TACC2: variants seen among roughly 807,000 people sequenced by gnomAD.
TACC2 encodes the protein transforming acidic coiled-coil-containing protein 2.
A neutral mutation model predicts 227.3 loss-of-function variants in TACC2; 137 were observed. The ratio of observed to expected loss-of-function variants is 0.60; its 90% confidence interval spans 0.52 to 0.69. TACC2 has a LOEUF of 0.69. TACC2 is among the 30% of genes least tolerant of loss of function. The pLI is 0.00. For synonymous variants in TACC2, 1,523 were observed against 1,487.5 expected, an observed-to-expected ratio of 1.02 and a Z score of -0.55; for missense variants, 3,470 against 3,694.4, an observed-to-expected ratio of 0.94 and a Z score of 1.57.
Position 122,210,367 on chromosome 10 carries a change from T to C in TACC2, c.5972-30T>C. ...GGTGCCCCAATGCGTCCTGTGTCTG[T>C]AATTGATGGCGTTGTCTGTGTTTCC... On this transcript the variant is annotated intron_variant, in intron 8 of 22. Coordinates refer to ENST00000369005, the MANE Select transcript of TACC2 (RefSeq NM_206862.4). This position sits in a 1 kb window ranked among gnomAD's most constrained non-coding sequence, Gnocchi z 4.6. 1 of 1,558,690 alleles carries C rather than the reference T, an allele frequency of 6.4e-7. No homozygotes were observed. The highest frequency in any genetic ancestry group is 8.9e-7 in the Non-Finnish European group (1 of 1,129,818).
intron 1 of TACC2, among the ~76,000 whole-genome samples, chr10:122,019,192 T>G (rs1452853616): frequency 6.6e-6 from 1 of 152,216 alleles, no homozygotes; most frequent in Admixed American, 6.5e-5. Flanking sequence ...AGTCTGCCTA[T>G]CAGCGATCTG....
At chr10:122,030,826 A>C (rs1322215495) in intron 2 of TACC2, among the ~76,000 whole-genome samples, 4 of 151,808 alleles carry the variant, frequency 2.6e-5, no homozygotes, top group African/African-American at 9.7e-5. Flanking sequence ...TGGCTGTGGG[A>C]CTCAGGGCTC....
At chr10:121,991,579 C>A (rs571731459) in intron 1 of TACC2, among the ~76,000 whole-genome samples, 1 of 152,298 alleles carries the variant, frequency 6.6e-6, no homozygotes, top group African/African-American at 2.4e-5. Flanking sequence ...CAAAGCTGAG[C>A]AGCTGAGTGA....
At chr10:122,024,900 C>T (rs568482402) in intron 2 of TACC2, among the ~76,000 whole-genome samples, 3 of 152,260 alleles carry the variant, frequency 2.0e-5, no homozygotes, top group Admixed American at 6.5e-5. Flanking sequence ...TTTGAGAACA[C>T]GCATTTTCAT....
chr10:122,144,470 TAG>T (rs1007226733), intron 7 of TACC2, among the ~76,000 whole-genome samples: 17 of 152,148 alleles, frequency 1.1e-4, no homozygotes, highest in African/African-American at 4.1e-4. Flanking sequence ...CAGTATTTTG[TAG>T]AGAGCCAAAT....
chr10:122,143,502 A>AT, intron 6 of TACC2, 70 bp from the exon 7 acceptor site: 1 of 1,550,030 alleles, frequency 6.5e-7, no homozygotes, highest in Non-Finnish European at 8.8e-7. Context: ...GGTGGGGTGA[A>AT]TGGGGCCTGA....
At position 122,143,627 on chromosome 10, in the gene TACC2, G is replaced by C. The variant is rs1442203613; in HGVS notation, c.5755G>C (p.Val1919Leu). 1 of 1,614,004 alleles carries C rather than the reference G, an allele frequency of 6.2e-7. No homozygotes were observed. Among genetic ancestry groups the C allele is most frequent in the African/African-American group, 1.3e-5 (1 of 74,924 alleles). ...TCCTCCCTCGGCTGCAGAACACATA[G>C]TTTCGCCATCTGCCCCAGCTGGTGA... is the stretch of plus-strand genomic sequence containing the variant. ...GLPPSAAEHI[V>L]SPSAPAGDRV... The change falls in exon 7 of 23, where the codon GTT becomes CTT. Residue 1919 changes from valine (V) to leucine (L), a missense_variant. This residue lies in a region of TACC2 where 1,924 missense variants were observed against 1,978.3 expected (regional missense o/e 0.97). Coordinates refer to ENST00000369005, the MANE Select transcript of TACC2 (RefSeq NM_206862.4).
In TACC2 at chr10:122,224,754, T is replaced by G; in HGVS notation, c.7575T>G (p.Ile2525Met). 1 of 1,614,038 alleles carries G rather than the reference T, an allele frequency of 6.2e-7. No individual in the cohort carries two copies. Among genetic ancestry groups the G allele is most frequent in the South Asian group, 1.1e-5 (1 of 91,052 alleles). ...TGGATTACAGAAACTCCTATGAAAT[T>G]GAATATATGGAGAAAATTGGCTCCT... is the stretch of plus-strand genomic sequence containing the variant. ...EELDYRNSYEIEYMEKIGSSL... is the reference protein window; with the variant it reads ...EELDYRNSYEMEYMEKIGSSL... The change falls in exon 12 of 23, where the codon ATT becomes ATG. Residue 2525 changes from isoleucine (I) to methionine (M), a missense_variant. Physicochemically the swap from Ile to Met is conservative, Grantham distance 10. Coordinates refer to ENST00000369005, the MANE Select transcript of TACC2 (RefSeq NM_206862.4).
At position 122,085,415 on chromosome 10, in the gene TACC2, T is replaced by C. The variant is rs767648184; in HGVS notation, c.2915T>C (p.Phe972Ser). 19 of 1,613,860 alleles carry C rather than the reference T, an allele frequency of 1.2e-5. No individual in the cohort carries two copies. Among genetic ancestry groups the C allele is most frequent in the Admixed American group, 1.7e-5 (1 of 60,022 alleles). Residue 972 changes from phenylalanine (F) to serine (S), a missense_variant, in exon 4 of 23, where the codon TTT (phenylalanine) becomes TCT (serine). Physicochemically the swap from Phe to Ser is radical, Grantham distance 155. Transcript: ENST00000369005. ...CCAGCAGCAGATGTCTTAAAAGACT[T>C]TTCTCTTGCAGGGAACTTCAGCAGA... The part of the protein sequence containing the change: ...SPPAADVLKD[F>S]SLAGNFSRKE...
intron 1 of TACC2, among the ~76,000 whole-genome samples, chr10:122,020,649 TG>T (rs992088363): frequency 1.3e-5 from 2 of 152,170 alleles, no homozygotes; most frequent in African/African-American, 4.8e-5. Flanking sequence ...GGCTGGAGTT[TG>T]AGGTTTATTT....
Position 122,038,743 on chromosome 10 carries a change from G to A in TACC2, c.34-11695G>A, listed in dbSNP as rs59266968. Reference sequence around the variant, plus strand: ...GTGAAGGGAAGGTCAAGGTTATAAGGTTATAATTGCATTTCTAAAGCGCTA... The same window carrying A: ...GTGAAGGGAAGGTCAAGGTTATAAGATTATAATTGCATTTCTAAAGCGCTA... On this transcript the variant is annotated intron_variant, in intron 2 of 22. Coordinates refer to ENST00000369005, the MANE Select transcript of TACC2 (RefSeq NM_206862.4). Among the ~76,000 whole-genome samples the A allele has an allele frequency of 2.9e-3, 444 of 152,196 alleles. 2 individuals carry two copies. Among genetic ancestry groups the A allele is most frequent in the African/African-American group, 0.01 (417 of 41,516 alleles).
At chr10:122,096,755 C>T (rs1476966266) in intron 5 of TACC2, among the ~76,000 whole-genome samples, 1 of 151,440 alleles carries the variant, frequency 6.6e-6, no homozygotes, top group Non-Finnish European at 1.5e-5. Context: ...AATGGGCAGA[C>T]ATGTGGTTTT....
chr10:122,005,135 G>T (rs561007559), intron 1 of TACC2, among the ~76,000 whole-genome samples: 28 of 151,986 alleles, frequency 1.8e-4, no homozygotes, highest in African/African-American at 6.8e-4. Flanking sequence ...AGGCTGGAGT[G>T]CAATGGTGCA....
chr10:122,096,552 T>C (rs2081432847), intron 5 of TACC2, among the ~76,000 whole-genome samples: 1 of 152,056 alleles, frequency 6.6e-6, no homozygotes, highest in Non-Finnish European at 1.5e-5. Flanking sequence ...CAAAATTCGC[T>C]GGGCAGGGTG....
intron 22 of TACC2, among the ~76,000 whole-genome samples, chr10:122,251,945 C>A (rs1211902530): frequency 6.6e-6 from 1 of 152,146 alleles, no homozygotes; most frequent in Non-Finnish European, 1.5e-5. Context: ...GGGGATAGTC[C>A]CATCTTAAAG....
intron 8 of TACC2, among the ~76,000 whole-genome samples, chr10:122,198,576 C>T (rs534012725): frequency 6.6e-5 from 10 of 152,310 alleles, no homozygotes; most frequent in Admixed American, 4.6e-4. Flanking sequence ...GAGGATCAGC[C>T]GTATGCACAC....
intron 2 of TACC2, chr10:122,033,020 A>G: frequency 1.0e-6 from 1 of 1,000,932 alleles, no homozygotes; most frequent in Non-Finnish European, 1.4e-6. Flanking sequence ...AAACCCCACA[A>G]AAACACCAAA....
At chr10:122,176,188 C>T (rs1248539487) in intron 7 of TACC2, among the ~76,000 whole-genome samples, 2 of 144,212 alleles carry the variant, frequency 1.4e-5, no homozygotes, top group African/African-American at 5.1e-5. Flanking sequence ...ATAGAAAAGG[C>T]CAAAGTAGAA....
chr10:122,114,488 C>T (rs1004840789), intron 5 of TACC2, among the ~76,000 whole-genome samples: 4 of 152,206 alleles, frequency 2.6e-5, no homozygotes, highest in Non-Finnish European at 5.9e-5. Flanking sequence ...CTGGCTTTCC[C>T]TTCTCAGGCC....
Sources: gnomAD v4.1 joint callset for allele counts (sites outside exome capture counted in the v4.1 genomes callset) on GRCh38, gnomAD v4.1.1 for gene constraint, gnomAD v4.1.1 regional missense constraint, Gnocchi (gnomAD v3.1) non-coding constraint, MANE v1.5 for transcripts, NCBI Gene and HGNC (gene_info 2026-07-23, HGNC 2026-07-21) for gene names.